The following UMAD1 variants were observed in gnomAD, a reference collection of about 807,000 sequenced individuals.
UMAD1 encodes the protein UBAP1-MVB12-associated (UMA)-domain containing protein 1.
A neutral mutation model predicts 6.1 loss-of-function variants in UMAD1; 8 were observed. That is an observed-to-expected ratio of 1.30 (90% confidence interval 0.76 to 2.35). The LOEUF (loss-of-function observed/expected upper bound fraction) is 2.35, where lower values mean the gene tolerates loss of function less well. Among genes scored for constraint, UMAD1 ranks in the 30% most tolerant of loss-of-function variants. The pLI is 0.00. For synonymous variants in UMAD1, 56 were observed against 31.4 expected (o/e 1.78, Z -2.61); for missense variants, 130 against 78.4 (o/e 1.66, Z -2.49).
At chr7:7,751,510 A>G (rs1781677453) in intron 2 of UMAD1, among the ~76,000 whole-genome samples, 1 of 152,184 alleles carries the variant, frequency 6.6e-6, no homozygotes, top group African/African-American at 2.4e-5. Flanking sequence ...TGCAATGTGG[A>G]AAAGTCAGGG....
At chr7:7,835,769 T>A (rs1783557883) in intron 3 of UMAD1, among the ~76,000 whole-genome samples, 3 of 152,024 alleles carry the variant, frequency 2.0e-5, no homozygotes, top group Admixed American at 6.6e-5. Flanking sequence ...ATCAGTTATC[T>A]TATTTTAGGT....
At chr7:7,744,080 C>T (rs1406422050) in intron 2 of UMAD1, among the ~76,000 whole-genome samples, 3 of 152,194 alleles carry the variant, frequency 2.0e-5, no homozygotes, top group Non-Finnish European at 4.4e-5. Context: ...TCACTATTTC[C>T]CCCAAATCCT....
intron 2 of UMAD1, among the ~76,000 whole-genome samples, chr7:7,749,768 A>G (rs1781642784): frequency 6.6e-6 from 1 of 152,208 alleles, no homozygotes; most frequent in African/African-American, 2.4e-5. Flanking sequence ...AAAAGGTGCT[A>G]TAAATTGAAA....
chr7:7,757,106 G>A (rs1781793727), intron 2 of UMAD1, among the ~76,000 whole-genome samples: 1 of 152,188 alleles, frequency 6.6e-6, no homozygotes, highest in African/African-American at 2.4e-5. Context: ...AAATGTGTTA[G>A]TTGTTAGTAA....
chr7:7,716,576 C>T (rs1191807988), intron 2 of UMAD1, among the ~76,000 whole-genome samples: 1 of 152,226 alleles, frequency 6.6e-6, no homozygotes, highest in African/African-American at 2.4e-5. Context: ...TTCTTTGTCA[C>T]CACGTGCACA....
intron 3 of UMAD1, among the ~76,000 whole-genome samples, chr7:7,840,341 G>C (rs1263181399): frequency 6.6e-6 from 1 of 152,130 alleles, no homozygotes; most frequent in Non-Finnish European, 1.5e-5. Context: ...CTGCACATCA[G>C]AATAATCTGA....
At chr7:7,798,175 C>T (rs551850093) in intron 2 of UMAD1, among the ~76,000 whole-genome samples, 1 of 152,250 alleles carries the variant, frequency 6.6e-6, no homozygotes, top group African/African-American at 2.4e-5. Flanking sequence ...TGACAGAGAC[C>T]TTATGACCTG....
rs547650401 is a variant in UMAD1, at chr7:7,644,928, A to G, written c.-64+4107A>G. 3.3e-5 allele frequency among the ~76,000 whole-genome samples: 5 copies of G among 152,142 alleles called. No homozygotes were observed. In the East Asian group the frequency reaches 7.7e-4, roughly 24 times the overall value. On this transcript the variant is annotated intron_variant, in intron 1 of 3. Transcript: ENST00000682710. Reference sequence around the variant, plus strand: ...CAGGAAAAGTAACACCTGAATGTCAACTCTTACTATCCTTGAGCCATTTTG... The same window carrying G: ...CAGGAAAAGTAACACCTGAATGTCAGCTCTTACTATCCTTGAGCCATTTTG...
chr7:7,761,568 G>A (rs1450592106), intron 2 of UMAD1, among the ~76,000 whole-genome samples: 1 of 152,110 alleles, frequency 6.6e-6, no homozygotes, highest in Non-Finnish European at 1.5e-5. Context: ...ACTTGGTAAC[G>A]GATCACATTT....
chr7:7,698,951 G>A (rs1780384756), intron 2 of UMAD1, among the ~76,000 whole-genome samples: 1 of 150,864 alleles, frequency 6.6e-6, no homozygotes, highest in South Asian at 2.1e-4. Context: ...ACTTCCCTGG[G>A]CTCAGTGATT....
chr7:7,873,431 A>C (rs1052459614), intron 3 of UMAD1, among the ~76,000 whole-genome samples: 1 of 152,172 alleles, frequency 6.6e-6, no homozygotes, highest in East Asian at 1.9e-4. Context: ...TCATACCTGC[A>C]CTCTTGGCTG....
chr7:7,767,344 C>T (rs1056897192), intron 2 of UMAD1, among the ~76,000 whole-genome samples: 4 of 151,692 alleles, frequency 2.6e-5, no homozygotes, highest in Non-Finnish European at 2.9e-5. Flanking sequence ...CCAGGATGGT[C>T]TCGATCTCCT....
At chr7:7,759,003 T>G (rs551849364) in intron 2 of UMAD1, among the ~76,000 whole-genome samples, 104 of 152,340 alleles carry the variant, frequency 6.8e-4, no homozygotes, top group African/African-American at 2.5e-3. Flanking sequence ...CCTCAGATTT[T>G]TCATCATAAG....
At chr7:7,723,156 A>G (rs949140869) in intron 2 of UMAD1, among the ~76,000 whole-genome samples, 1 of 152,192 alleles carries the variant, frequency 6.6e-6, no homozygotes, top group Admixed American at 6.6e-5. Context: ...CCTAGAGGCA[A>G]GGTTCAGAGT....
At chr7:7,838,483 T>A (rs1783613172) in intron 3 of UMAD1, among the ~76,000 whole-genome samples, 1 of 152,166 alleles carries the variant, frequency 6.6e-6, no homozygotes, top group Non-Finnish European at 1.5e-5. Context: ...AAGATTATTA[T>A]CTTACAATCA....
chr7:7,725,638 C>G (rs1583777562), intron 2 of UMAD1, among the ~76,000 whole-genome samples: 1 of 152,212 alleles, frequency 6.6e-6, no homozygotes, highest in African/African-American at 2.4e-5. Context: ...TCTGACCCAT[C>G]TAGCCATAAA....
At chr7:7,770,467 C>T (rs1223474626) in intron 2 of UMAD1, among the ~76,000 whole-genome samples, 2 of 152,114 alleles carry the variant, frequency 1.3e-5, no homozygotes, top group Non-Finnish European at 2.9e-5. Flanking sequence ...TGCTTGCTTC[C>T]CCTTGTTTAA....
chr7:7,852,000 A>G (rs10228869), intron 3 of UMAD1, among the ~76,000 whole-genome samples: 67,088 of 151,854 alleles, frequency 0.44, 15,669 homozygotes, highest in African/African-American at 0.54. Flanking sequence ...TAAGAGTTTT[A>G]TATGTTAGCT....
intron 1 of UMAD1, among the ~76,000 whole-genome samples, chr7:7,664,853 T>C (rs1181322155): frequency 1.3e-5 from 2 of 152,206 alleles, no homozygotes; most frequent in Non-Finnish European, 2.9e-5. Flanking sequence ...ATTAGTAAAC[T>C]TGTTGTCTAA....
Sources: allele counts gnomAD v4.1 joint callset (sites outside exome capture counted in the v4.1 genomes callset), GRCh38; gene constraint gnomAD v4.1.1; transcripts MANE v1.5; gene names NCBI Gene and HGNC (gene_info 2026-07-23, HGNC 2026-07-21).